RTN3: variants seen among roughly 807,000 people sequenced by gnomAD.
RTN3 encodes reticulon-3.
Under a neutral mutation model 77.8 loss-of-function variants are expected in RTN3, and 49 were observed. That is an observed-to-expected ratio of 0.63 (90% CI 0.50 to 0.80). The LOEUF is 0.80. Ranked by LOEUF, RTN3 falls within the 30% of genes least tolerant of loss-of-function variation. The pLI is 0.00. For missense variants in RTN3, 1,236 were observed against 1,211.9 expected, an observed-to-expected ratio of 1.02 and a Z score of -0.29; for synonymous variants, 464 against 446.9, an observed-to-expected ratio of 1.04 and a Z score of -0.48.
rs1393234556 is a variant in RTN3 at position 63,718,793 on chromosome 11, T to C, written c.291T>C (p.Leu97=). The change falls in exon 3 of 9, where the codon CTT becomes CTC. Residue 97 remains leucine, a synonymous_variant. Transcript: ENST00000377819. The part of the protein sequence containing the change: ...LSSSEIHNTG[L]TILHGEKSHV... Reference sequence around the variant, plus strand: ...CTTCTGAAATACATAACACTGGCCTTACAATACTACATGGAGAAAAAAGCC... The same window carrying C: ...CTTCTGAAATACATAACACTGGCCTCACAATACTACATGGAGAAAAAAGCC... The C allele has an allele frequency of 1.9e-6, 3 of 1,613,754 alleles. No homozygotes were observed. The highest frequency in any genetic ancestry group is 2.5e-6 in the Non-Finnish European group (3 of 1,179,926).
intron 1 of RTN3, among the ~76,000 whole-genome samples, chr11:63,696,305 G>T (rs943330655): frequency 2.0e-5 from 3 of 151,780 alleles, no homozygotes; most frequent in African/African-American, 7.3e-5. Flanking sequence ...GCTGAGGCAG[G>T]AGAATCACTT....
At chr11:63,741,211 TTA>T (rs1221823718) in intron 3 of RTN3, among the ~76,000 whole-genome samples, 12 of 151,298 alleles carry the variant, frequency 7.9e-5, no homozygotes, top group African/African-American at 9.7e-5. Flanking sequence ...ATTTATTTAT[TTA>T]TTTTTTGAGA....
chr11:63,688,740 C>A (rs1941503432), intron 1 of RTN3, among the ~76,000 whole-genome samples: 1 of 152,098 alleles, frequency 6.6e-6, no homozygotes, highest in Non-Finnish European at 1.5e-5. Context: ...ACCAATATTA[C>A]TGCTTTTATC....
chr11:63,758,269 A>G lies in RTN3; in HGVS notation c.*68A>G, dbSNP rs1309617813. On this transcript the variant is annotated 3_prime_UTR_variant, in exon 9 of 9. Coordinates refer to ENST00000377819, the MANE Select transcript of RTN3 (RefSeq NM_001265589.2). ...TAATAGTTATAACGTCGTTACTTGT[A>G]CTATGAAGGAAAATACTCAGTGTCA... The G allele has an allele frequency of 2.5e-6, 4 of 1,613,692 alleles. No homozygotes were observed. Among genetic ancestry groups the G allele is most frequent in the Admixed American group, 3.3e-5 (2 of 59,986 alleles).
At chr11:63,728,783 A>G (rs1004489100) in intron 3 of RTN3, among the ~76,000 whole-genome samples, 1 of 151,566 alleles carries the variant, frequency 6.6e-6, no homozygotes, top group East Asian at 1.9e-4. Flanking sequence ...GCTACCCAGG[A>G]GGCTGAGGCA....
At position 63,759,189 on chromosome 11, in the gene RTN3, A is replaced by G. The variant is rs1284202504; in HGVS notation, c.*988A>G. On this transcript the variant is annotated 3_prime_UTR_variant, in exon 9 of 9. Coordinates refer to ENST00000377819, the MANE Select transcript of RTN3 (RefSeq NM_001265589.2). ...CATTCTCAAGAGGTGAAATACAGAA[A>G]GCCTTTTTTTCTTGATCTTTTCCCG... 6.6e-6 allele frequency: 1 copy of G among 152,212 alleles called. No individual in the cohort carries two copies. The highest frequency in any genetic ancestry group is 6.5e-5 in the Admixed American group (1 of 15,284). 9.4% of individuals were successfully genotyped at this position (152,212 alleles called of 1,614,324 possible). A position where few individuals can be genotyped will look rare whatever the true frequency, so the allele number is the denominator to read the frequency against.
rs112639145 is a variant in RTN3 at position 63,753,597 on chromosome 11, T to C, written c.2948-65T>C. On this transcript the variant is annotated intron_variant, in intron 6 of 8. Transcript: ENST00000377819. ...TTTTGAGGAAAAATGTATATGTTAC[T>C]CTGAGTCTTAAGATGTGACTGTCTC... 12 of 1,408,018 alleles carry C rather than the reference T, an allele frequency of 8.5e-6. No individual in the cohort carries two copies. The East Asian group carries it at 9.2e-5, about 11-fold the overall frequency. 87.2% of individuals were successfully genotyped at this position (1,408,018 alleles called of 1,614,324 possible). A position where few individuals can be genotyped will look rare whatever the true frequency, so the allele number is the denominator to read the frequency against.
At chr11:63,687,354 C>A (rs936319323) in intron 1 of RTN3, among the ~76,000 whole-genome samples, 8 of 152,192 alleles carry the variant, frequency 5.3e-5, no homozygotes, top group African/African-American at 1.9e-4. Context: ...CGGTGGCCCA[C>A]GCCTGTAATC....
intron 8 of RTN3, among the ~76,000 whole-genome samples, chr11:63,757,460 A>C (rs1170786135): frequency 6.6e-6 from 1 of 152,042 alleles, no homozygotes; most frequent in Non-Finnish European, 1.5e-5. Flanking sequence ...CCCTTGCTCC[A>C]AGTGATCCTC....
chr11:63,750,469 T>TC, intron 4 of RTN3: 1 of 384,744 alleles, frequency 2.6e-6, no homozygotes, highest in Admixed American at 4.3e-5. Flanking sequence ...TTTTTTTTTT[T>TC]TGAGACGGAT....
chr11:63,682,393 C>T (rs1167714908), intron 1 of RTN3, among the ~76,000 whole-genome samples: 1 of 151,940 alleles, frequency 6.6e-6, no homozygotes, highest in Non-Finnish European at 1.5e-5. Context: ...TTTTCTGAGG[C>T]TCCGAGGTAG....
intron 3 of RTN3, among the ~76,000 whole-genome samples, chr11:63,747,212 G>C (rs953578553): frequency 6.6e-6 from 1 of 152,166 alleles, no homozygotes; most frequent in Admixed American, 6.5e-5. Flanking sequence ...TATGTCTGGA[G>C]GCATATGGTA....
intron 1 of RTN3, among the ~76,000 whole-genome samples, chr11:63,683,884 C>T (rs961056599): frequency 1.6e-4 from 24 of 150,614 alleles, no homozygotes; most frequent in African/African-American, 5.9e-4. Flanking sequence ...ATTACATTTT[C>T]CGAATAATAT....
chr11:63,690,153 T>A (rs1347276263), intron 1 of RTN3, among the ~76,000 whole-genome samples: 1 of 152,224 alleles, frequency 6.6e-6, no homozygotes, highest in Non-Finnish European at 1.5e-5. Flanking sequence ...AACGGTGAGC[T>A]TTTTGACCTG....
At chr11:63,755,581 G>A (rs1219154749) in intron 7 of RTN3, among the ~76,000 whole-genome samples, 5 of 145,712 alleles carry the variant, frequency 3.4e-5, no homozygotes, top group East Asian at 4.0e-4. Context: ...AACCCGGGAG[G>A]TGGAGGTTTC....
At chr11:63,688,809 C>T (rs1332011570) in intron 1 of RTN3, among the ~76,000 whole-genome samples, 2 of 152,110 alleles carry the variant, frequency 1.3e-5, no homozygotes, top group Non-Finnish European at 2.9e-5. Flanking sequence ...CTGTCTAGTC[C>T]TGTGCATGTT....
chr11:63,750,406 C>G (rs1355963718), intron 4 of RTN3: 5 of 551,536 alleles, frequency 9.1e-6, no homozygotes, highest in African/African-American at 1.9e-5. Flanking sequence ...AAATTAGAGG[C>G]TCATACTTGA....
intron 3 of RTN3, 24 bp from the exon 4 acceptor site, chr11:63,749,967 T>C (rs1464404909): frequency 7.0e-6 from 11 of 1,573,090 alleles, no homozygotes; most frequent in African/African-American, 2.7e-5. Context: ...TTCTTATAAC[T>C]TATATTCCCT....
Position 63,720,405 on chromosome 11 carries a change from T to C in RTN3, c.1903T>C (p.Leu635=). The C allele has an allele frequency of 6.2e-7, 1 of 1,614,022 alleles. No individual in the cohort carries two copies. The highest frequency in any genetic ancestry group is 8.5e-7 in the Non-Finnish European group (1 of 1,179,992). ...ATTAAATGTGACAACATCTGCCTATTTGGAGTCATTACATGGGAAAAATGT... is the reference window on the plus strand; with the variant it reads ...ATTAAATGTGACAACATCTGCCTATCTGGAGTCATTACATGGGAAAAATGT... The part of the protein sequence containing the change: ...FSLNVTTSAY[L]ESLHGKNVKH... Residue 635 remains leucine (L), a synonymous_variant, in exon 3 of 9, where the codon TTG becomes CTG. Transcript: ENST00000377819.
Sources: gnomAD v4.1 joint callset for allele counts (sites outside exome capture counted in the v4.1 genomes callset) on GRCh38, gnomAD v4.1.1 for gene constraint, MANE v1.5 for transcripts, NCBI Gene and HGNC (gene_info 2026-07-23, HGNC 2026-07-21) for gene names.